The following ARFGAP3 variants were observed in gnomAD, a reference collection of about 807,000 sequenced individuals.
The protein encoded by ARFGAP3 is ARF GTPase activating protein 3.
Under a neutral mutation model 75.0 loss-of-function variants are expected in ARFGAP3, and 72 were observed. The observed-to-expected ratio is 0.96, with a 90% CI of 0.79 to 1.17. The LOEUF (loss-of-function observed/expected upper bound fraction) is 1.17. ARFGAP3 is among the 50% of genes most tolerant of loss of function. The pLI, the probability that ARFGAP3 is intolerant of heterozygous loss-of-function variation, is 0.00. For synonymous variants in ARFGAP3, 221 were observed against 217.9 expected, an observed-to-expected ratio of 1.01 and a Z score of -0.13; for missense variants, 620 against 626.6, an observed-to-expected ratio of 0.99 and a Z score of 0.11.
chr22:42,824,141 A>T (rs932170726), intron 7 of ARFGAP3, among the ~76,000 whole-genome samples: 15 of 141,420 alleles, frequency 1.1e-4, no homozygotes, highest in African/African-American at 3.9e-4. Flanking sequence ...AGTAGTTGGG[A>T]TCACAGGTGC....
In ARFGAP3 at chr22:42,797,282, G is replaced by A; in HGVS notation, c.*306C>T. On this transcript the variant is annotated 3_prime_UTR_variant, in exon 16 of 16. Transcript: ENST00000263245. The stretch of plus-strand genomic sequence containing the variant: ...ATGAAGCCTCCTGGTTCAGGAGCAG[G>A]AGGAGCCGAGGTCTCCAGGCCCTCA... The A allele has an allele frequency of 2.7e-6, 1 of 365,104 alleles. No homozygotes were observed. 22.6% of individuals were successfully genotyped at this position (365,104 alleles called of 1,614,324 possible).
rs766272573 is a variant in ARFGAP3, at chr22:42,822,382, C to T, written c.700G>A (p.Ala234Thr). ...AAGCATGTGTTTGCCAGTTTCTGAG[C>T]TCCCAAACTTCCTTTTTTGGCCCCA... ...GLGAKKGSLG[A>T]QKLANTCFNE... The change falls in exon 9 of 16, where the codon GCT becomes ACT. Residue 234 changes from alanine (A) to threonine (T), a missense_variant. Coordinates refer to ENST00000263245, the MANE Select transcript of ARFGAP3 (RefSeq NM_014570.5). The T allele has an allele frequency of 2.5e-6, 4 of 1,614,118 alleles. No individual in the cohort carries two copies. Among genetic ancestry groups the T allele is most frequent in the Non-Finnish European group, 2.5e-6 (3 of 1,180,024 alleles).
chr22:42,803,339 C>G (rs771737296), intron 14 of ARFGAP3, among the ~76,000 whole-genome samples: 9 of 152,056 alleles, frequency 5.9e-5, no homozygotes, highest in Non-Finnish European at 1.0e-4. Flanking sequence ...ACTCCTAGAC[C>G]CTGGGCTGGA....
chr22:42,805,799 G>A (rs1925093265), intron 14 of ARFGAP3, among the ~76,000 whole-genome samples: 3 of 152,192 alleles, frequency 2.0e-5, no homozygotes, highest in Admixed American at 6.5e-5. Context: ...GATGTGCCGG[G>A]GCTTGTCCAC....
chr22:42,808,801 G>A lies in ARFGAP3; in HGVS notation c.1286C>T (p.Ser429Leu), dbSNP rs1243238373. ...GGATTGTCTTCCAAAATACATATCT[G>A]ATGAAATGGCCTTGACATTGCCAAA... Reference protein sequence around the residue: ...KKFGNVKAISSDMYFGRQSQA... With the variant: ...KKFGNVKAISLDMYFGRQSQA... Residue 429 changes from serine (S) to leucine (L), a missense_variant, in exon 13 of 16, where the codon TCA (serine) becomes TTA (leucine). Physicochemically the swap from Ser to Leu is moderately radical, Grantham distance 145. Coordinates refer to ENST00000263245, the MANE Select transcript of ARFGAP3 (RefSeq NM_014570.5). 3 of 1,613,332 alleles carry A rather than the reference G, an allele frequency of 1.9e-6. No individual in the cohort carries two copies. The highest frequency in any genetic ancestry group is 2.7e-5 in the African/African-American group (2 of 75,034).
At chr22:42,827,204 T>C (rs1336122861) in intron 6 of ARFGAP3, 2 of 475,486 alleles carry the variant, frequency 4.2e-6, no homozygotes, top group Non-Finnish European at 5.5e-6. Context: ...TTTAATCCAA[T>C]GGCTTTATCA....
chr22:42,801,409 C>A (rs1406792457), intron 14 of ARFGAP3, among the ~76,000 whole-genome samples: 3 of 152,224 alleles, frequency 2.0e-5, no homozygotes, highest in African/African-American at 7.2e-5. Flanking sequence ...CCACCCACAA[C>A]TGATGTTTGC....
intron 13 of ARFGAP3, among the ~76,000 whole-genome samples, chr22:42,808,313 G>A (rs1397617220): frequency 3.3e-5 from 5 of 151,376 alleles, no homozygotes; most frequent in East Asian, 2.0e-4. Flanking sequence ...CAGGAAAATC[G>A]CTTAAACTTG....
chr22:42,810,942 T>C lies in ARFGAP3; in HGVS notation c.1067A>G (p.Tyr356Cys), dbSNP rs2146534624. 1 of 1,614,012 alleles carries C rather than the reference T, an allele frequency of 6.2e-7. No homozygotes were observed. The highest frequency in any genetic ancestry group is 1.1e-5 in the South Asian group (1 of 91,064). The change falls in exon 12 of 16, where the codon TAC becomes TGC. Residue 356 changes from tyrosine to cysteine, a missense_variant and splice_region_variant. Tyr to Cys is a radical substitution (Grantham distance 194). Coordinates refer to ENST00000263245, the MANE Select transcript of ARFGAP3 (RefSeq NM_014570.5). ...CCTTAACTCCACTGGCTCGTCAAAGTAACTGTAGGAGCAAGAGTACAACAG... is the reference window on the plus strand; with the variant it reads ...CCTTAACTCCACTGGCTCGTCAAAGCAACTGTAGGAGCAAGAGTACAACAG... ...DDSYFTSSSS[Y>C]FDEPVELRSS...
Position 42,823,693 on chromosome 22 carries a change from G to A in ARFGAP3, c.635C>T (p.Ser212Phe). The A allele has an allele frequency of 1.3e-6, 2 of 1,571,900 alleles. No homozygotes were observed. The highest frequency in any genetic ancestry group is 2.3e-5 in the East Asian group (1 of 43,886). The change falls in exon 8 of 16, where the codon TCT becomes TTT. Residue 212 changes from serine to phenylalanine, a missense_variant. Coordinates refer to ENST00000263245, the MANE Select transcript of ARFGAP3 (RefSeq NM_014570.5). ...VPTKATLEVSSIIKKKPNQAK... is the reference protein window; with the variant it reads ...VPTKATLEVSFIIKKKPNQAK... ...TTGATTTGGTTTCTTTTTTATGATA[G>A]AGGATACCTCTGCCAAAAAATAAAA...
intron 2 of ARFGAP3, among the ~76,000 whole-genome samples, chr22:42,844,533 T>C (rs1926923043): frequency 6.7e-6 from 1 of 149,358 alleles, no homozygotes; most frequent in Non-Finnish European, 1.5e-5. Context: ...TGCAGTGAGC[T>C]GAGATCATGC....
intron 15 of ARFGAP3, 105 bp from the exon 16 acceptor site, chr22:42,797,710 C>G: frequency 6.2e-7 from 1 of 1,610,906 alleles, no homozygotes; most frequent in South Asian, 1.1e-5. Context: ...CAGCCCATGT[C>G]AGGCATGTGA....
rs914730113 is a variant in ARFGAP3, at chr22:42,824,767, G to A, written c.626-1065C>T. Among the ~76,000 whole-genome samples, 5 of 152,126 alleles carry A rather than the reference G, an allele frequency of 3.3e-5. No individual in the cohort carries two copies. In the East Asian group the frequency reaches 9.7e-4, roughly 29 times the overall value. On this transcript the variant is annotated intron_variant, in intron 7 of 15. Transcript: ENST00000263245. Reference sequence around the variant, plus strand: ...GTATATTGCGTGGTGCTGAGGTTTGGGCTTCTCTTGATCCCATCACCCAGA... The same window carrying A: ...GTATATTGCGTGGTGCTGAGGTTTGAGCTTCTCTTGATCCCATCACCCAGA...
chr22:42,856,486 A>G (rs1457963333), intron 1 of ARFGAP3, among the ~76,000 whole-genome samples: 1 of 152,150 alleles, frequency 6.6e-6, no homozygotes, highest in Non-Finnish European at 1.5e-5. Context: ...CAGGGAGAGA[A>G]CAGCCTCTGG....
intron 14 of ARFGAP3, among the ~76,000 whole-genome samples, chr22:42,799,617 C>CCA (rs1385260297): frequency 6.6e-6 from 1 of 152,228 alleles, no homozygotes; most frequent in Non-Finnish European, 1.5e-5. Flanking sequence ...TCTACCCTGT[C>CCA]CACAGGCATG....
chr22:42,833,836 A>AACCCAGGCCC (rs1926402076), intron 5 of ARFGAP3, among the ~76,000 whole-genome samples: 1 of 152,214 alleles, frequency 6.6e-6, no homozygotes, highest in Non-Finnish European at 1.5e-5. Flanking sequence ...GAATCACTTG[A>AACCCAGGCCC]ACCCAGGGGG....
rs746321689 is a variant in ARFGAP3 at position 42,831,627 on chromosome 22, T to C, written c.487A>G (p.Thr163Ala). ...ASHVSPEVSDTAWASAIAEPS... is the reference protein window; with the variant it reads ...ASHVSPEVSDAAWASAIAEPS... Reference sequence around the variant, plus strand: ...TCTGCTATTGCTGATGCCCACGCTGTGTCACTCACCTGAAACAAGGCGAGA... The same window carrying C: ...TCTGCTATTGCTGATGCCCACGCTGCGTCACTCACCTGAAACAAGGCGAGA... Residue 163 changes from threonine to alanine, a missense_variant, in exon 6 of 16, where the codon ACA (threonine) becomes GCA (alanine). Coordinates refer to ENST00000263245, the MANE Select transcript of ARFGAP3 (RefSeq NM_014570.5). The C allele has an allele frequency of 9.3e-6, 15 of 1,613,884 alleles. No homozygotes were observed. The highest frequency in any genetic ancestry group is 3.3e-5 in the Admixed American group (2 of 59,980).
At chr22:42,833,559 C>T (rs912654265) in intron 5 of ARFGAP3, among the ~76,000 whole-genome samples, 2 of 152,200 alleles carry the variant, frequency 1.3e-5, no homozygotes, top group Non-Finnish European at 2.9e-5. Flanking sequence ...AGTTCGAGAC[C>T]AGCCTAGCCA....
chr22:42,803,038 C>T (rs1009193462), intron 14 of ARFGAP3, among the ~76,000 whole-genome samples: 5 of 152,188 alleles, frequency 3.3e-5, no homozygotes, highest in East Asian at 1.9e-4. Context: ...CTCTGTTGCC[C>T]GGGCTGGAGT....
Sources: gnomAD v4.1 joint callset for allele counts (sites outside exome capture counted in the v4.1 genomes callset) on GRCh38, gnomAD v4.1.1 for gene constraint, MANE v1.5 for transcripts, NCBI Gene and HGNC (gene_info 2026-07-23, HGNC 2026-07-21) for gene names.